CEMIP: variants seen among roughly 807,000 people sequenced by gnomAD.
The protein encoded by CEMIP is cell migration inducing hyaluronidase 1.
Under a neutral mutation model 156.9 loss-of-function variants are expected in CEMIP, and 105 were observed. The observed-to-expected ratio is 0.67, with a 90% CI of 0.57 to 0.79. The LOEUF is 0.79. Ranked by LOEUF, CEMIP falls within the 30% of genes least tolerant of loss-of-function variation. The pLI is 0.00. For missense variants in CEMIP, 1,457 were observed against 1,769.4 expected (o/e 0.82, Z 3.17); for synonymous variants, 676 against 668.4 (o/e 1.01, Z -0.17).
intron 1 of CEMIP, among the ~76,000 whole-genome samples, chr15:80,844,029 G>C (rs1173712311): frequency 6.6e-6 from 1 of 152,264 alleles, no homozygotes; most frequent in African/African-American, 2.4e-5. Context: ...CTCAGCCCCA[G>C]ATCCTTCACT....
At chr15:80,931,741 C>A in intron 21 of CEMIP, 118 bp from the exon 22 acceptor site, 2 of 976,158 alleles carry the variant, frequency 2.0e-6, no homozygotes, top group African/African-American at 1.6e-5. Context: ...CCCAGGAAGT[C>A]TCTGCTACCA....
chr15:80,898,063 A>G (rs1268074521), intron 12 of CEMIP, among the ~76,000 whole-genome samples: 3 of 152,218 alleles, frequency 2.0e-5, no homozygotes, highest in African/African-American at 7.2e-5. Flanking sequence ...GTGTGGGGCT[A>G]TTTGCAGTTT....
At chr15:80,926,420 T>C (rs1319498718) in intron 19 of CEMIP, among the ~76,000 whole-genome samples, 1 of 152,226 alleles carries the variant, frequency 6.6e-6, no homozygotes, top group Admixed American at 6.5e-5. Flanking sequence ...CCTTTTGTGT[T>C]AAAAATGGGA....
At chr15:80,911,031 G>A (rs747509743) in intron 14 of CEMIP, among the ~76,000 whole-genome samples, 10 of 152,226 alleles carry the variant, frequency 6.6e-5, no homozygotes, top group East Asian at 1.9e-4. Flanking sequence ...GAGTTCTGCC[G>A]CTTACAAGCC....
chr15:80,818,795 T>A (rs998273543), intron 1 of CEMIP, among the ~76,000 whole-genome samples: 8 of 152,236 alleles, frequency 5.3e-5, no homozygotes, highest in Non-Finnish European at 7.3e-5. Context: ...AATTGATTAA[T>A]AATGTCTAAC....
chr15:80,837,918 C>G (rs1173608689), intron 1 of CEMIP, among the ~76,000 whole-genome samples: 1 of 152,218 alleles, frequency 6.6e-6, no homozygotes, highest in Non-Finnish European at 1.5e-5. Flanking sequence ...TCTGTGCCCT[C>G]CACTGGCCAC....
intron 1 of CEMIP, among the ~76,000 whole-genome samples, chr15:80,803,394 A>T (rs193126925): frequency 2.6e-5 from 4 of 152,232 alleles, no homozygotes; most frequent in South Asian, 2.1e-4. Context: ...AAAGTATTCA[A>T]TTCAATTTTG....
At chr15:80,912,563 G>T (rs1900110508) in intron 14 of CEMIP, among the ~76,000 whole-genome samples, 1 of 152,218 alleles carries the variant, frequency 6.6e-6, no homozygotes, top group South Asian at 2.1e-4. Flanking sequence ...AAACCAAATT[G>T]TCCTGGCTTA....
At chr15:80,780,848 C>CG (rs1157932508) in intron 1 of CEMIP, among the ~76,000 whole-genome samples, 1 of 152,148 alleles carries the variant, frequency 6.6e-6, no homozygotes, top group Non-Finnish European at 1.5e-5. Flanking sequence ...GGAAGTCGTG[C>CG]GCTTTCTTCC....
At chr15:80,808,166 A>G (rs1413601210) in intron 1 of CEMIP, among the ~76,000 whole-genome samples, 1 of 152,216 alleles carries the variant, frequency 6.6e-6, no homozygotes, top group Non-Finnish European at 1.5e-5. Context: ...AAGGCTCAAT[A>G]GGGAGAACTA....
chr15:80,933,555 C>A, intron 23 of CEMIP, 95 bp downstream of exon 23: 1 of 947,750 alleles, frequency 1.1e-6, no homozygotes, highest in Non-Finnish European at 1.6e-6. Context: ...CTGTTTCAGG[C>A]CAGAAAGAGA....
intron 1 of CEMIP, among the ~76,000 whole-genome samples, chr15:80,868,432 A>T (rs76777392): frequency 0.01 from 1,589 of 152,224 alleles, 28 homozygotes; most frequent in African/African-American, 0.035. Context: ...TAAGCCACCT[A>T]CTAGTTCTGT....
chr15:80,860,340 C>A (rs572077129), intron 1 of CEMIP, among the ~76,000 whole-genome samples: 2 of 152,184 alleles, frequency 1.3e-5, no homozygotes, highest in Non-Finnish European at 2.9e-5. Context: ...TAGAATCCAG[C>A]CTTCTTGGAC....
intron 1 of CEMIP, among the ~76,000 whole-genome samples, chr15:80,814,612 T>G (rs1319641270): frequency 1.3e-5 from 2 of 152,150 alleles, no homozygotes; most frequent in African/African-American, 4.8e-5. Flanking sequence ...AACCTGTGGG[T>G]GCCTTGGAAG....
intron 10 of CEMIP, among the ~76,000 whole-genome samples, chr15:80,892,712 A>C (rs1227993939): frequency 6.6e-6 from 1 of 152,196 alleles, no homozygotes; most frequent in Non-Finnish European, 1.5e-5. Context: ...CATGACCCTA[A>C]GAGTGGGTGC....
chr15:80,896,643 G>T (rs1311257343), intron 12 of CEMIP, among the ~76,000 whole-genome samples: 1 of 152,110 alleles, frequency 6.6e-6, no homozygotes, highest in African/African-American at 2.4e-5. Context: ...TGTTATTGGA[G>T]GTTACTGGAA....
chr15:80,894,843 T>A, intron 10 of CEMIP, 147 bp from the exon 11 acceptor site: 1 of 965,780 alleles, frequency 1.0e-6, no homozygotes, highest in Non-Finnish European at 1.6e-6. Flanking sequence ...GGGGCAATCA[T>A]TGGGATAATC....
chr15:80,898,878 A>C (rs541776907), intron 12 of CEMIP, among the ~76,000 whole-genome samples: 6 of 152,226 alleles, frequency 3.9e-5, no homozygotes, highest in African/African-American at 1.4e-4. Context: ...CTCCACAGGG[A>C]GGTGGGCAGG....
intron 19 of CEMIP, among the ~76,000 whole-genome samples, chr15:80,927,720 G>A (rs892576301): frequency 1.3e-5 from 2 of 152,130 alleles, no homozygotes; most frequent in Non-Finnish European, 2.9e-5. Context: ...ACAGAAGACA[G>A]GGATCCCTTC....
Sources: gnomAD v4.1 joint callset for allele counts (sites outside exome capture counted in the v4.1 genomes callset) on GRCh38, gnomAD v4.1.1 for gene constraint, MANE v1.5 for transcripts, NCBI Gene and HGNC (gene_info 2026-07-23, HGNC 2026-07-21) for gene names.